GPR139: variants seen among roughly 807,000 people sequenced by gnomAD.
GPR139 encodes the protein G protein-coupled receptor 139, also known as probable G protein-coupled receptor 139.
Under a neutral mutation model 25.8 loss-of-function variants are expected in GPR139, and 12 were observed. That is an observed-to-expected ratio of 0.47 (90% confidence interval 0.30 to 0.75). The LOEUF (loss-of-function observed/expected upper bound fraction) is 0.75. Ranked by LOEUF, GPR139 falls within the 30% of genes least tolerant of loss-of-function variation. The probability of loss-of-function intolerance (pLI) is 0.07; values close to 1 mark genes in which losing one functional copy is unlikely to be tolerated. For synonymous variants in GPR139, 184 were observed against 179.9 expected, an observed-to-expected ratio of 1.02 and a Z score of -0.18; for missense variants, 380 against 450.2, an observed-to-expected ratio of 0.84 and a Z score of 1.41.
At chr16:20,056,169 C>T (rs1176882430) in intron 1 of GPR139, among the ~76,000 whole-genome samples, 2 of 152,156 alleles carry the variant, frequency 1.3e-5, no homozygotes, top group African/African-American at 4.8e-5. Flanking sequence ...TGCTGTCAAC[C>T]CCACCCTTTC....
At chr16:20,064,722 C>A (rs998556035) in intron 1 of GPR139, among the ~76,000 whole-genome samples, 6 of 152,186 alleles carry the variant, frequency 3.9e-5, no homozygotes, top group African/African-American at 1.4e-4. Context: ...GATAGGAACA[C>A]TGAGGCTCCG....
chr16:20,060,212 A>T (rs1360042517), intron 1 of GPR139, among the ~76,000 whole-genome samples: 1 of 151,856 alleles, frequency 6.6e-6, no homozygotes, highest in African/African-American at 2.4e-5. Flanking sequence ...GAACAGAACC[A>T]TGGCCATTCT....
intron 1 of GPR139, among the ~76,000 whole-genome samples, chr16:20,038,819 T>A (rs146750608): frequency 6.6e-6 from 1 of 152,196 alleles, no homozygotes; most frequent in African/African-American, 2.4e-5. Flanking sequence ...TCCCCATATT[T>A]AAAATTTCTT....
chr16:20,032,058 T>C lies in GPR139; in HGVS notation c.739A>G (p.Met247Val). The change falls in exon 2 of 2, where the codon ATG (methionine) becomes GTG (valine). Residue 247 changes from methionine (M) to valine (V), a missense_variant. By Grantham distance (21) the Met-to-Val change is conservative. Coordinates refer to ENST00000570682, the MANE Select transcript of GPR139 (RefSeq NM_001002911.4). ...FATLWAPRII[M>V]ILYHLYGAPI... ...GCCCCATAGAGGTGGTAAAGAATCA[T>C]GATGATGCGGGGGGCCCAAAGTGTG... 1 of 1,614,150 alleles carries C rather than the reference T, an allele frequency of 6.2e-7. No individual in the cohort carries two copies. Among genetic ancestry groups the C allele is most frequent in the East Asian group, 2.2e-5 (1 of 44,892 alleles).
intron 1 of GPR139, among the ~76,000 whole-genome samples, chr16:20,051,823 C>T (rs2057373265): frequency 1.3e-5 from 2 of 152,250 alleles, no homozygotes; most frequent in Non-Finnish European, 2.9e-5. Context: ...TTTCAGGACA[C>T]GTGCCTGCGT....
intron 1 of GPR139, among the ~76,000 whole-genome samples, chr16:20,070,454 G>T (rs866671346): frequency 9.9e-5 from 15 of 152,190 alleles, no homozygotes; most frequent in African/African-American, 3.1e-4. Flanking sequence ...GAGAGGTGAA[G>T]AGTTCTTAAG....
intron 1 of GPR139, among the ~76,000 whole-genome samples, chr16:20,071,397 G>T (rs113644202): frequency 0.024 from 3,641 of 152,268 alleles, 136 homozygotes; most frequent in African/African-American, 0.077. Context: ...TAGGTTGCTT[G>T]GTCCTTACGC....
intron 1 of GPR139, among the ~76,000 whole-genome samples, 169 bp from the exon 2 acceptor site, chr16:20,032,838 G>A (rs992295310): frequency 1.3e-5 from 2 of 152,212 alleles, no homozygotes; most frequent in Non-Finnish European, 2.9e-5. Flanking sequence ...CATACAATTA[G>A]TGGATACTAT....
At chr16:20,041,255 GGAGAAAAGAAAA>G (rs2057334305) in intron 1 of GPR139, among the ~76,000 whole-genome samples, 1 of 896 alleles carries the variant, frequency 1.1e-3, no homozygotes. Context: ...GGAGAGGGAA[GGAGAAAAGAAAA>G]GCATCTCTCT....
chr16:20,073,714 T>G lies in GPR139; in HGVS notation c.-98A>C, dbSNP rs992448827. On this transcript the variant is annotated 5_prime_UTR_variant, in exon 1 of 2. Transcript: ENST00000570682. The surrounding 1 kb of genome is among the most constrained non-coding windows in gnomAD (Gnocchi z 4.7). ...TGGCGGCGGCGGAGGCAGCGGCAGC[T>G]GGAGCAGCAGCGCCTCTCTCCCCGC... 60 of 1,414,912 alleles carry G rather than the reference T, an allele frequency of 4.2e-5. 1 individual carries two copies. The South Asian group carries it at 8.5e-4, about 20-fold the overall frequency. 87.6% of individuals were successfully genotyped at this position (1,414,912 alleles called of 1,614,324 possible).
chr16:20,067,357 A>G (rs1309986084), intron 1 of GPR139, among the ~76,000 whole-genome samples: 1 of 152,150 alleles, frequency 6.6e-6, no homozygotes, highest in African/African-American at 2.4e-5. Flanking sequence ...TAACTCGGCC[A>G]AGGTCACACA....
chr16:20,042,544 CATT>C (rs2057339953), intron 1 of GPR139, among the ~76,000 whole-genome samples: 1 of 152,090 alleles, frequency 6.6e-6, no homozygotes, highest in Admixed American at 6.5e-5. Flanking sequence ...TAACATTGGT[CATT>C]ATGTGTAGAA....
At chr16:20,053,280 C>T (rs529819573) in intron 1 of GPR139, among the ~76,000 whole-genome samples, 11 of 152,304 alleles carry the variant, frequency 7.2e-5, no homozygotes, top group African/African-American at 2.6e-4. Context: ...GCCCACCGGC[C>T]TGCTGGTCTA....
intron 1 of GPR139, among the ~76,000 whole-genome samples, chr16:20,046,471 G>A (rs144126368): frequency 1.1e-3 from 165 of 152,306 alleles, no homozygotes; most frequent in East Asian, 3.1e-3. Context: ...TGTGCTGAGC[G>A]TGTATTATGT....
Position 20,073,338 on chromosome 16 carries a change from C to A in GPR139, c.127+152G>T. 8.5e-7 allele frequency: 1 copy of A among 1,178,696 alleles called. No individual in the cohort carries two copies. Among genetic ancestry groups the A allele is most frequent in the Non-Finnish European group, 1.2e-6 (1 of 835,978 alleles). 73.0% of individuals were successfully genotyped at this position (1,178,696 alleles called of 1,614,324 possible). On this transcript the variant is annotated intron_variant, in intron 1 of 1. Transcript: ENST00000570682. The surrounding 1 kb of genome is among the most constrained non-coding windows in gnomAD (Gnocchi z 4.7). ...AGCTAGGGCACAGCAACTTCCTTTC[C>A]CCCCGTGTGGAAATATCCATAGTTG...
chr16:20,032,178 C>G lies in GPR139; in HGVS notation c.619G>C (p.Val207Leu). Residue 207 changes from valine (V) to leucine (L), a missense_variant, in exon 2 of 2, where the codon GTG becomes CTG. By Grantham distance (32) the Val-to-Leu change is conservative. Transcript: ENST00000570682. ...SIFFILNSII[V>L]YKLRRKSNFR... ...TTGCTCTTCCTCCTGAGCTTGTACA[C>G]AATGATTGAGTTCAAGATGAAGAAG... 1 of 1,614,126 alleles carries G rather than the reference C, an allele frequency of 6.2e-7. No individual in the cohort carries two copies. Among genetic ancestry groups the G allele is most frequent in the African/African-American group, 1.3e-5 (1 of 75,014 alleles).
chr16:20,045,156 C>T (rs560089749), intron 1 of GPR139, among the ~76,000 whole-genome samples: 7 of 152,114 alleles, frequency 4.6e-5, no homozygotes, highest in African/African-American at 1.2e-4. Context: ...TCTGCCACCA[C>T]GCTCAGCTAA....
At chr16:20,070,952 C>T in intron 1 of GPR139, 1 of 985,562 alleles carries the variant, frequency 1.0e-6, no homozygotes, top group Non-Finnish European at 1.2e-6. Flanking sequence ...GTATCTCAGT[C>T]CCTCCTCTGG....
intron 1 of GPR139, among the ~76,000 whole-genome samples, chr16:20,062,352 C>T (rs866159483): frequency 1.3e-5 from 2 of 152,290 alleles, no homozygotes; most frequent in Middle Eastern, 3.4e-3. Context: ...CTCTTTCTCC[C>T]GTGAGAGGAT....
Sources: allele counts gnomAD v4.1 joint callset (sites outside exome capture counted in the v4.1 genomes callset), GRCh38; gene constraint gnomAD v4.1.1; non-coding constraint Gnocchi (gnomAD v3.1); transcripts MANE v1.5; gene names NCBI Gene and HGNC (gene_info 2026-07-23, HGNC 2026-07-21).